Variants in ARHGEF38 observed in about 807,000 individuals in gnomAD.
The protein encoded by ARHGEF38 is Rho guanine nucleotide exchange factor 38, also known as Rho guanine nucleotide exchange factor (GEF) 38.
ARHGEF38 carries 79 observed loss-of-function variants against 79.9 expected under a neutral mutation model. That is an observed-to-expected ratio of 0.99 (90% CI 0.82 to 1.19). The LOEUF is 1.19. ARHGEF38 is among the 50% of genes most tolerant of loss of function. The pLI is 0.00. For missense variants in ARHGEF38, 962 were observed against 907.2 expected (o/e 1.06, Z -0.78); for synonymous variants, 366 against 328.3 (o/e 1.11, Z -1.24).
chr4:105,617,858 C>T (rs1385605057), intron 3 of ARHGEF38, among the ~76,000 whole-genome samples: 1 of 152,092 alleles, frequency 6.6e-6, no homozygotes, highest in East Asian at 1.9e-4. Context: ...CATAATCATG[C>T]TTTGGAAAAT....
intron 5 of ARHGEF38, among the ~76,000 whole-genome samples, chr4:105,638,633 C>G (rs1729494965): frequency 6.6e-6 from 1 of 152,106 alleles, no homozygotes; most frequent in African/African-American, 2.4e-5. Context: ...ACTATTGTAG[C>G]ATTGCAGTGA....
chr4:105,617,208 C>T (rs1254815611), intron 3 of ARHGEF38, among the ~76,000 whole-genome samples: 1 of 152,140 alleles, frequency 6.6e-6, no homozygotes, highest in African/African-American at 2.4e-5. Flanking sequence ...TAAATGCTGT[C>T]ACTTTAACTT....
intron 4 of ARHGEF38, among the ~76,000 whole-genome samples, chr4:105,631,885 G>A (rs2110518920): frequency 6.6e-6 from 1 of 152,244 alleles, no homozygotes; most frequent in South Asian, 2.1e-4. Context: ...TCACTTGTAA[G>A]TAGTATCCAC....
intron 13 of ARHGEF38, among the ~76,000 whole-genome samples, chr4:105,677,533 T>G (rs1019755337): frequency 3.3e-5 from 5 of 152,214 alleles, no homozygotes; most frequent in African/African-American, 1.2e-4. Context: ...GCATGGACAA[T>G]TTATATTCCT....
In ARHGEF38 at chr4:105,652,542, C is replaced by T. The variant is rs547094847; in HGVS notation, c.1009-1523C>T. Among the ~76,000 whole-genome samples the T allele has an allele frequency of 5.8e-4, 88 of 152,156 alleles. 1 individual carries two copies. Among genetic ancestry groups the T allele is most frequent in the Middle Eastern group, 3.4e-3 (1 of 292 alleles). ...AAACAGGATTTTGCAAGGCAGGAAA[C>T]GAACAGCAGTATATTCCAGCAAAAG... On this transcript the variant is annotated intron_variant, in intron 7 of 13. Transcript: ENST00000420470.
At chr4:105,579,351 G>A (rs1433681118) in intron 1 of ARHGEF38, among the ~76,000 whole-genome samples, 1 of 152,130 alleles carries the variant, frequency 6.6e-6, no homozygotes, top group Non-Finnish European at 1.5e-5. Context: ...CATTTAGTAT[G>A]TTGTTGGCTG....
intron 3 of ARHGEF38, among the ~76,000 whole-genome samples, chr4:105,626,207 T>C (rs943789176): frequency 6.6e-6 from 1 of 152,194 alleles, no homozygotes; most frequent in African/African-American, 2.4e-5. Context: ...TCTTTCTCAT[T>C]AAACTCTGTT....
At chr4:105,669,335 T>C (rs949441546) in intron 13 of ARHGEF38, among the ~76,000 whole-genome samples, 2 of 152,212 alleles carry the variant, frequency 1.3e-5, no homozygotes, top group Non-Finnish European at 2.9e-5. Context: ...AATAGATACA[T>C]AGAACGTTTT....
At position 105,679,324 on chromosome 4, in the gene ARHGEF38, T is replaced by C. The variant is rs1315716368; in HGVS notation, c.*1387T>C. ...ACTTTGCCTGTAACCTTTGACTCAA[T>C]TGGAGGAATATCAAAGCAAACACCC... On this transcript the variant is annotated 3_prime_UTR_variant, in exon 14 of 14. Transcript: ENST00000420470. 7.9e-6 allele frequency: 7 copies of C among 881,722 alleles called. No homozygotes were observed. The East Asian group carries it at 1.2e-4, about 15-fold the overall frequency. The allele number at this position is 881,722 out of a possible 1,614,324, so 54.6% of individuals were successfully genotyped here.
At chr4:105,593,590 CT>C (rs759048333) in intron 2 of ARHGEF38, among the ~76,000 whole-genome samples, 3 of 152,094 alleles carry the variant, frequency 2.0e-5, no homozygotes, top group Non-Finnish European at 2.9e-5. Flanking sequence ...CAAGAAAAGT[CT>C]TTCTTTGAAT....
intron 13 of ARHGEF38, among the ~76,000 whole-genome samples, chr4:105,668,384 C>T (rs1730835143): frequency 6.6e-6 from 1 of 151,836 alleles, no homozygotes; most frequent in Admixed American, 6.6e-5. Context: ...TAGGGTTTCA[C>T]CATATTGGTC....
At chr4:105,596,088 T>C (rs1239883499) in intron 2 of ARHGEF38, among the ~76,000 whole-genome samples, 1 of 152,202 alleles carries the variant, frequency 6.6e-6, no homozygotes, top group Non-Finnish European at 1.5e-5. Flanking sequence ...AGTCCTTGAA[T>C]GTAAAATGGT....
intron 3 of ARHGEF38, among the ~76,000 whole-genome samples, chr4:105,625,745 T>G (rs1728917662): frequency 6.6e-6 from 1 of 152,202 alleles, no homozygotes; most frequent in South Asian, 2.1e-4. Context: ...GAAATGTCAT[T>G]TTGATTTGGG....
In ARHGEF38 at chr4:105,654,024, G is replaced by C. The variant is rs142580342; in HGVS notation, c.1009-41G>C. ...GTCTGTGCTATTTTAAAAAATATCTGTTTCATTTGAGTTATGAAAATAATT... is the reference window on the plus strand; with the variant it reads ...GTCTGTGCTATTTTAAAAAATATCTCTTTCATTTGAGTTATGAAAATAATT... On this transcript the variant is annotated intron_variant, in intron 7 of 13. Transcript: ENST00000420470. The C allele has an allele frequency of 5.6e-4, 665 of 1,195,776 alleles. 4 individuals are homozygous for C. In the African/African-American group the frequency reaches 8.7e-3, roughly 16 times the overall value. The allele number at this position is 1,195,776 out of a possible 1,614,324, so 74.1% of individuals were successfully genotyped here.
At chr4:105,675,744 C>T (rs1306359448) in intron 13 of ARHGEF38, among the ~76,000 whole-genome samples, 2 of 152,160 alleles carry the variant, frequency 1.3e-5, no homozygotes, top group African/African-American at 4.8e-5. Flanking sequence ...AAGATCAAGG[C>T]ACCAGTTTAT....
At chr4:105,560,633 G>C (rs998251585) in intron 1 of ARHGEF38, among the ~76,000 whole-genome samples, 6 of 152,156 alleles carry the variant, frequency 3.9e-5, no homozygotes, top group Non-Finnish European at 8.8e-5. Flanking sequence ...TCTGAACAAT[G>C]TTTTTCTTGA....
At chr4:105,660,177 C>G (rs752039776) in intron 10 of ARHGEF38, among the ~76,000 whole-genome samples, 1 of 151,976 alleles carries the variant, frequency 6.6e-6, no homozygotes, top group Non-Finnish European at 1.5e-5. Context: ...GTTCAAAAGC[C>G]AAAACTGTGT....
Position 105,667,188 on chromosome 4 carries a change from A to G in ARHGEF38, c.1749A>G (p.Ala583=). The G allele has an allele frequency of 6.5e-7, 1 of 1,536,176 alleles. No homozygotes were observed. ...HRSKLLSTYS[A]EELYQAKRKC... is the part of the protein sequence containing the mutation. The stretch of plus-strand genomic sequence containing the variant: ...CCAAACTTCTATCCACATATAGTGC[A>G]GAGGAACTCTATCAAGCTAAGCGCA... The change falls in exon 12 of 14, where the codon GCA becomes GCG. Residue 583 remains alanine, a synonymous_variant. Transcript: ENST00000420470.
intron 2 of ARHGEF38, among the ~76,000 whole-genome samples, chr4:105,598,676 T>A (rs1460233228): frequency 6.7e-6 from 1 of 150,136 alleles, no homozygotes; most frequent in Non-Finnish European, 1.5e-5. Context: ...AGAACTCCAT[T>A]TTTTTTTTAA....
Sources: gnomAD v4.1 joint callset for allele counts (sites outside exome capture counted in the v4.1 genomes callset) on GRCh38, gnomAD v4.1.1 for gene constraint, MANE v1.5 for transcripts, NCBI Gene and HGNC (gene_info 2026-07-23, HGNC 2026-07-21) for gene names.